The following SH3D19 variants were observed in gnomAD, a reference collection of about 807,000 sequenced individuals.
The protein encoded by SH3D19 is SH3 domain-containing protein 19.
SH3D19 carries 58 observed loss-of-function variants against 112.1 expected under a neutral mutation model. The ratio of observed to expected loss-of-function variants is 0.52; its 90% CI spans 0.42 to 0.64. The LOEUF is 0.64. Ranked by LOEUF, SH3D19 falls within the 30% of genes least tolerant of loss-of-function variation. The probability of loss-of-function intolerance (pLI) is 0.00; values close to 1 mark genes in which losing one functional copy is unlikely to be tolerated. For synonymous variants in SH3D19, 391 were observed against 448.5 expected (o/e 0.87, Z 1.62); for missense variants, 1,090 against 1,263.4 (o/e 0.86, Z 2.08).
intron 1 of SH3D19, among the ~76,000 whole-genome samples, chr4:151,250,822 C>G (rs1264805064): frequency 6.6e-6 from 1 of 152,180 alleles, no homozygotes. Context: ...AGTCTCCCAG[C>G]ATGCTTTTGT....
intron 1 of SH3D19, among the ~76,000 whole-genome samples, chr4:151,228,539 T>TAAAC (rs10686104): frequency 0.81 from 123,081 of 151,766 alleles, 52,184 homozygotes; most frequent in Non-Finnish European, 0.95. Context: ...ACTTACATTT[T>TAAAC]AAAGTAATTT....
At chr4:151,256,664 A>G (rs1580341178) in intron 1 of SH3D19, among the ~76,000 whole-genome samples, 1 of 149,798 alleles carries the variant, frequency 6.7e-6, no homozygotes, top group East Asian at 1.9e-4. Flanking sequence ...ATCTGATGAT[A>G]TAAGGTGTAT....
intron 9 of SH3D19, among the ~76,000 whole-genome samples, chr4:151,150,348 T>TATATATAC (rs1754832320): frequency 6.8e-6 from 1 of 146,482 alleles, no homozygotes; most frequent in African/African-American, 2.5e-5. Flanking sequence ...CACACACATA[T>TATATATAC]ATATATATAC....
chr4:151,215,266 T>C (rs1191571463), intron 2 of SH3D19, among the ~76,000 whole-genome samples: 1 of 152,192 alleles, frequency 6.6e-6, no homozygotes, highest in Non-Finnish European at 1.5e-5. Context: ...ATAAGGCCTC[T>C]TCTACCTAGA....
At chr4:151,283,463 T>G (rs976441005) in intron 1 of SH3D19, among the ~76,000 whole-genome samples, 1 of 151,532 alleles carries the variant, frequency 6.6e-6, no homozygotes, top group Non-Finnish European at 1.5e-5. Context: ...TTTCTTCAAC[T>G]ATAAGACTAT....
chr4:151,128,910 A>AT lies in SH3D19; in HGVS notation c.2743-555dup, dbSNP rs1313889409. 4.6e-5 allele frequency among the ~76,000 whole-genome samples: 7 copies of AT among 152,216 alleles called. No homozygotes were observed. The East Asian group carries it at 1.4e-3, about 29-fold the overall frequency. ...CCTCCCACCCTCCCAAACTTCTGGG[A>AT]TTACAGGCATGATCCACCTCACTCA... is the stretch of plus-strand genomic sequence containing the variant. On this transcript the variant is annotated intron_variant, in intron 17 of 19. Transcript: ENST00000604030.
intron 1 of SH3D19, among the ~76,000 whole-genome samples, chr4:151,266,407 T>C (rs1381074590): frequency 1.3e-5 from 2 of 152,232 alleles, no homozygotes; most frequent in Non-Finnish European, 2.9e-5. Flanking sequence ...AGCTATTTCA[T>C]CTTTGTAAGT....
At chr4:151,283,750 C>A (rs2150010741) in intron 1 of SH3D19, among the ~76,000 whole-genome samples, 1 of 152,202 alleles carries the variant, frequency 6.6e-6, no homozygotes, top group East Asian at 1.9e-4. Flanking sequence ...TCCCAAATTC[C>A]TGGCCTCAAG....
chr4:151,150,260 T>C (rs1181239153), intron 9 of SH3D19, among the ~76,000 whole-genome samples: 1 of 130,460 alleles, frequency 7.7e-6, no homozygotes, highest in African/African-American at 2.8e-5. Flanking sequence ...TACACACATA[T>C]ATATACATAT....
At chr4:151,256,461 A>G (rs1164450869) in intron 1 of SH3D19, among the ~76,000 whole-genome samples, 1 of 152,224 alleles carries the variant, frequency 6.6e-6, no homozygotes, top group Non-Finnish European at 1.5e-5. Context: ...TAAATACTTC[A>G]ATTAAATTAG....
rs1775615932 is a variant in SH3D19, at chr4:151,295,198, A to T, written c.112+30043T>A. Among the ~76,000 whole-genome samples, 5 of 152,216 alleles carry T rather than the reference A, an allele frequency of 3.3e-5. No individual in the cohort carries two copies. The South Asian group carries it at 1.0e-3, about 32-fold the overall frequency. On this transcript the variant is annotated intron_variant, in intron 1 of 19. Transcript: ENST00000604030. ...CCACTGGTGAAGTGAGAGCAAGGGAATGATGAAAGAACAGAAGAGTAGAGA... is the reference window on the plus strand; with the variant it reads ...CCACTGGTGAAGTGAGAGCAAGGGATTGATGAAAGAACAGAAGAGTAGAGA...
At chr4:151,167,671 A>C (rs1758288550) in intron 7 of SH3D19, among the ~76,000 whole-genome samples, 1 of 152,184 alleles carries the variant, frequency 6.6e-6, no homozygotes, top group Non-Finnish European at 1.5e-5. Flanking sequence ...GGACGTGAGG[A>C]GTGTCTCTGC....
intron 1 of SH3D19, among the ~76,000 whole-genome samples, chr4:151,276,772 C>A (rs1010891095): frequency 1.3e-5 from 2 of 152,202 alleles, no homozygotes; most frequent in Admixed American, 1.3e-4. Flanking sequence ...CAAAAAAACT[C>A]AGAAAAATTA....
chr4:151,257,153 T>A (rs998815557), intron 1 of SH3D19, among the ~76,000 whole-genome samples: 1 of 151,720 alleles, frequency 6.6e-6, no homozygotes, highest in Admixed American at 6.6e-5. Context: ...AATGGCATGA[T>A]CTTGGCTCAC....
intron 1 of SH3D19, among the ~76,000 whole-genome samples, chr4:151,322,815 T>G (rs561761911): frequency 6.6e-6 from 1 of 152,336 alleles, no homozygotes; most frequent in African/African-American, 2.4e-5. Context: ...CTCAAGTCAT[T>G]ACTTGCTTTC....
intron 1 of SH3D19, among the ~76,000 whole-genome samples, chr4:151,294,139 TA>T (rs1240105042): frequency 6.6e-6 from 1 of 152,198 alleles, no homozygotes; most frequent in Non-Finnish European, 1.5e-5. Flanking sequence ...TAAGTCCACG[TA>T]AGAATTTTTG....
intron 1 of SH3D19, chr4:151,282,197 G>C (rs777276781): frequency 9.3e-6 from 15 of 1,613,870 alleles, no homozygotes; most frequent in Non-Finnish European, 1.3e-5. Context: ...GATTACAGTA[G>C]GTGACTCAAG....
At chr4:151,311,042 T>A (rs1432644776) in intron 1 of SH3D19, among the ~76,000 whole-genome samples, 2 of 148,916 alleles carry the variant, frequency 1.3e-5, no homozygotes, top group African/African-American at 5.1e-5. Flanking sequence ...TGCTTATGTA[T>A]CTTGGCTATT....
chr4:151,245,348 A>G (rs1770866874), intron 1 of SH3D19, among the ~76,000 whole-genome samples: 1 of 151,998 alleles, frequency 6.6e-6, no homozygotes, highest in Admixed American at 6.6e-5. Context: ...GTGAGGAGAC[A>G]CTGTCTGGCA....
Sources: allele counts gnomAD v4.1 joint callset (sites outside exome capture counted in the v4.1 genomes callset), GRCh38; gene constraint gnomAD v4.1.1; transcripts MANE v1.5; gene names NCBI Gene and HGNC (gene_info 2026-07-23, HGNC 2026-07-21).